Variants in CSPP1 observed in about 807,000 individuals in gnomAD.
CSPP1 encodes the protein centrosome and spindle pole associated protein 1.
In CSPP1, 126 loss-of-function variants were observed where a neutral mutation model predicts 164.4. The ratio of observed to expected loss-of-function variants is 0.77; its 90% CI spans 0.66 to 0.89. The LOEUF (loss-of-function observed/expected upper bound fraction) is 0.89. Ranked by LOEUF, CSPP1 falls within the 40% of genes least tolerant of loss-of-function variation. The pLI, the probability that CSPP1 is intolerant of heterozygous loss-of-function variation, is 0.00. For missense variants in CSPP1, 1,395 were observed against 1,449.8 expected (o/e 0.96, Z 0.61); for synonymous variants, 472 against 476.7 (o/e 0.99, Z 0.13).
At chr8:67,103,345 T>C (rs757584097) in intron 8 of CSPP1, among the ~76,000 whole-genome samples, 11 of 152,196 alleles carry the variant, frequency 7.2e-5, no homozygotes, top group East Asian at 1.9e-4. Context: ...GAACAAGTTT[T>C]GGTTATAAAG....
At position 67,195,431 on chromosome 8, in the gene CSPP1, G is replaced by T; in HGVS notation, c.3519G>T (p.Gly1173=). Residue 1173 remains glycine, a synonymous_variant, in exon 31 of 31, where the codon GGG becomes GGT. Transcript: ENST00000678616. The stretch of plus-strand genomic sequence containing the variant: ...CTGATGACATCATGAAACACATAGG[G>T]GATGACGGATCAAACTCTGTAGCAA... The part of the protein sequence containing the change: ...VDPDDIMKHI[G]DDGSNSVATE... The T allele has an allele frequency of 6.2e-7, 1 of 1,614,182 alleles. No homozygotes were observed.
chr8:67,114,065 G>A (rs761591290), intron 11 of CSPP1: 3 of 411,858 alleles, frequency 7.3e-6, no homozygotes, highest in Non-Finnish European at 1.3e-5. Flanking sequence ...TTTCATTTGT[G>A]TGTCATTTTT....
At chr8:67,192,415 G>T (rs919927905) in intron 29 of CSPP1, among the ~76,000 whole-genome samples, 2 of 152,126 alleles carry the variant, frequency 1.3e-5, no homozygotes, top group Non-Finnish European at 2.9e-5. Context: ...TTATTGAGTT[G>T]TAAGAGTTCT....
intron 28 of CSPP1, among the ~76,000 whole-genome samples, chr8:67,186,180 T>C (rs1428394997): frequency 2.0e-5 from 3 of 152,186 alleles, no homozygotes; most frequent in African/African-American, 7.2e-5. Flanking sequence ...TGGCTGTCCT[T>C]TTTATAATGC....
chr8:67,187,577 G>T (rs1023718199), intron 28 of CSPP1, among the ~76,000 whole-genome samples: 1 of 152,102 alleles, frequency 6.6e-6, no homozygotes, highest in African/African-American at 2.4e-5. Flanking sequence ...CTAGCTATTT[G>T]GGAGGCTGAG....
Position 67,195,593 on chromosome 8 carries a change from A to AAAT in CSPP1, c.*3_*5dup. On this transcript the variant is annotated 3_prime_UTR_variant, in exon 31 of 31. Transcript: ENST00000678616. ...AGGGCCTGTCGACTGCACATGGTTA[A>AAAT]AATAAACCTGTACTGGACCCAGTAG... 6.2e-7 allele frequency: 1 copy of AAAT among 1,613,186 alleles called. No homozygotes were observed. The highest frequency in any genetic ancestry group is 1.7e-4 in the Middle Eastern group (1 of 5,972).
intron 12 of CSPP1, 42 bp downstream of exon 12, chr8:67,114,412 G>C (rs1817513958): frequency 6.6e-6 from 1 of 152,376 alleles, no homozygotes; most frequent in Non-Finnish European, 1.5e-5. Context: ...TTCTGTAGTT[G>C]GTTATGTAAT....
intron 15 of CSPP1, among the ~76,000 whole-genome samples, chr8:67,129,141 T>A (rs975517837): frequency 5.9e-5 from 9 of 152,092 alleles, no homozygotes; most frequent in Non-Finnish European, 1.0e-4. Flanking sequence ...TTAAAATAAT[T>A]GCATTAGTGA....
rs573713725 is a variant in CSPP1, at chr8:67,084,967, T to C, written c.200-1040T>C. ...GAGATATAATTTACACACCATAACA[T>C]TTACCTATTTAAAGTGTACAATTCA... On this transcript the variant is annotated intron_variant, in intron 3 of 30. Coordinates refer to ENST00000678616, the MANE Select transcript of CSPP1 (RefSeq NM_001382391.1). 2.0e-5 allele frequency among the ~76,000 whole-genome samples: 3 copies of C among 152,300 alleles called. No homozygotes were observed. In the East Asian group the frequency reaches 5.8e-4, roughly 29 times the overall value.
rs182427663 is a variant in CSPP1 at position 67,158,625 on chromosome 8, C to T, written c.2391+29C>T. 2.3e-4 allele frequency: 359 copies of T among 1,543,846 alleles called. 1 individual carries two copies. In the African/African-American group the frequency reaches 4.6e-3, roughly 20 times the overall value. On this transcript the variant is annotated intron_variant, in intron 20 of 30. Coordinates refer to ENST00000678616, the MANE Select transcript of CSPP1 (RefSeq NM_001382391.1). ...CATCTTTTTTCCCTATTGTATTTTA[C>T]TACTTAGTCTGAAGGTGAAATCTTT...
chr8:67,086,888 CTTT>C (rs75348559), intron 4 of CSPP1: 14,424 of 918,052 alleles, frequency 0.016, 110 homozygotes, highest in South Asian at 0.044. Context: ...TTTTTTCTTT[CTTT>C]TTTTTTTTTT....
At position 67,118,230 on chromosome 8, in the gene CSPP1, ATCTT is replaced by A; in HGVS notation, c.1497-12_1497-9del. On this transcript the variant is annotated splice_polypyrimidine_tract_variant and intron_variant, in intron 13 of 30. Coordinates refer to ENST00000678616, the MANE Select transcript of CSPP1 (RefSeq NM_001382391.1). ...CAATGAAATATGAGAGGAATTTTTCATCTTTCTTTTCATACAGGATTGCACCTCT... is the reference window on the plus strand; with the variant it reads ...CAATGAAATATGAGAGGAATTTTTCATCTTTTCATACAGGATTGCACCTCT... 1 of 1,608,278 alleles carries A rather than the reference ATCTT, an allele frequency of 6.2e-7. No homozygotes were observed. The highest frequency in any genetic ancestry group is 1.1e-5 in the South Asian group (1 of 89,802).
In CSPP1 at chr8:67,068,454, T is replaced by C. The variant is rs573717295; in HGVS notation, c.-11+3916T>C. On this transcript the variant is annotated intron_variant, in intron 1 of 30. Coordinates refer to ENST00000678616, the MANE Select transcript of CSPP1 (RefSeq NM_001382391.1). ...TTGAAAAAAGTTGTGAGTGACTTTATATTGTAGAGTGTCATATATAAATAA... is the reference window on the plus strand; with the variant it reads ...TTGAAAAAAGTTGTGAGTGACTTTACATTGTAGAGTGTCATATATAAATAA... 2.0e-5 allele frequency among the ~76,000 whole-genome samples: 3 copies of C among 152,358 alleles called. No homozygotes were observed. In the South Asian group the frequency reaches 6.2e-4, roughly 32 times the overall value.
At chr8:67,165,093 T>G (rs1466429908) in intron 24 of CSPP1, among the ~76,000 whole-genome samples, 3 of 152,086 alleles carry the variant, frequency 2.0e-5, no homozygotes, top group Admixed American at 6.5e-5. Flanking sequence ...GACCATCCTG[T>G]CTAACACAGT....
Position 67,179,817 on chromosome 8 carries a change from G to A in CSPP1, c.3157-46G>A, listed in dbSNP as rs759465019. 20 of 1,347,046 alleles carry A rather than the reference G, an allele frequency of 1.5e-5. No individual in the cohort carries two copies. In the Admixed American group the frequency reaches 2.7e-4, roughly 18 times the overall value. The allele number at this position is 1,347,046 out of a possible 1,614,324, so 83.4% of individuals were successfully genotyped here. On this transcript the variant is annotated intron_variant, in intron 27 of 30. Coordinates refer to ENST00000678616, the MANE Select transcript of CSPP1 (RefSeq NM_001382391.1). ...TTCTTAGTATAAATTTGTTGTTTTT[G>A]TACACAAAACTAATAAAAATAGTCA...
chr8:67,118,840 G>T lies in CSPP1; in HGVS notation c.1697+19G>T, dbSNP rs563103826. ...CTGTTGTGTAAGTTATTAGTTAAAA[G>T]AATAATTTTTTCCCCACTTTTATTT... is the stretch of plus-strand genomic sequence containing the variant. On this transcript the variant is annotated intron_variant, in intron 15 of 30. Transcript: ENST00000678616. 65 of 1,563,894 alleles carry T rather than the reference G, an allele frequency of 4.2e-5. No homozygotes were observed. In the Middle Eastern group the frequency reaches 5.0e-4, roughly 12 times the overall value.
At chr8:67,067,280 T>G (rs1288109781) in intron 1 of CSPP1, among the ~76,000 whole-genome samples, 1 of 152,308 alleles carries the variant, frequency 6.6e-6, no homozygotes, top group African/African-American at 2.4e-5. Context: ...GTTTATTGGA[T>G]TTGACTAGAC....
Position 67,091,890 on chromosome 8 carries a change from G to A in CSPP1, c.384+7G>A, listed in dbSNP as rs1464491976. On this transcript the variant is annotated splice_region_variant and intron_variant, in intron 5 of 30. Coordinates refer to ENST00000678616, the MANE Select transcript of CSPP1 (RefSeq NM_001382391.1). ...TGAGAGGTTATCTGCTAAGGTAGGT[G>A]GATAGGAGTAGTTATTGTGGGTACC... The A allele has an allele frequency of 3.2e-6, 4 of 1,267,554 alleles. No individual in the cohort carries two copies. Among genetic ancestry groups the A allele is most frequent in the Admixed American group, 2.2e-5 (1 of 44,842 alleles). The allele number at this position is 1,267,554 out of a possible 1,614,324, so 78.5% of individuals were successfully genotyped here.
chr8:67,178,484 C>A (rs1009260242), intron 27 of CSPP1, among the ~76,000 whole-genome samples: 10 of 152,078 alleles, frequency 6.6e-5, no homozygotes, highest in Non-Finnish European at 1.5e-4. Flanking sequence ...GGTTACATTC[C>A]AGAAGGAGGG....
Sources: gnomAD v4.1 joint callset for allele counts (sites outside exome capture counted in the v4.1 genomes callset) on GRCh38, gnomAD v4.1.1 for gene constraint, MANE v1.5 for transcripts, NCBI Gene and HGNC (gene_info 2026-07-23, HGNC 2026-07-21) for gene names.